Variants in GALNT17 observed in about 807,000 individuals in gnomAD.
The protein encoded by GALNT17 is polypeptide N-acetylgalactosaminyltransferase 17, also known as UDP-GalNAc:polypeptide N-acetylgalactosaminyltransferase-like 3.
In GALNT17, 29 loss-of-function variants were observed where a neutral mutation model predicts 63.7. The ratio of observed to expected loss-of-function variants is 0.46; its 90% CI spans 0.34 to 0.62. The LOEUF is 0.62. Among genes scored for constraint, GALNT17 ranks in the 20% least tolerant of loss-of-function variants. GALNT17 has a pLI of 0.01. For synonymous variants in GALNT17, 305 were observed against 318.3 expected (o/e 0.96, Z 0.45); for missense variants, 603 against 799.6 (o/e 0.75, Z 2.97).
chr7:71,446,900 C>A (rs1189482776), intron 5 of GALNT17, among the ~76,000 whole-genome samples: 1 of 152,194 alleles, frequency 6.6e-6, no homozygotes, highest in Admixed American at 6.5e-5. Context: ...AAATAGTACA[C>A]TTTAGTCCTA....
At chr7:71,566,443 T>C (rs940895307) in intron 5 of GALNT17, among the ~76,000 whole-genome samples, 6 of 152,102 alleles carry the variant, frequency 3.9e-5, no homozygotes, top group Admixed American at 1.3e-4. Context: ...TTTGGGGAGA[T>C]TTTTTGTAAC....
chr7:71,652,999 T>C lies in GALNT17; in HGVS notation c.1081-12412T>C, dbSNP rs1790775630. 7.3e-5 allele frequency among the ~76,000 whole-genome samples: 3 copies of C among 41,064 alleles called. No individual in the cohort carries two copies. The Admixed American group carries it at 1.3e-3, about 18-fold the overall frequency. The allele number at this position is 41,064 out of a possible 152,430, so 26.9% of individuals were successfully genotyped here. A position where few individuals can be genotyped will look rare whatever the true frequency, so the allele number is the denominator to read the frequency against. On this transcript the variant is annotated intron_variant, in intron 6 of 10. Coordinates refer to ENST00000333538, the MANE Select transcript of GALNT17 (RefSeq NM_022479.3). Reference sequence around the variant, plus strand: ...GATGGCTGGTAGGGAAGGGTTTTTGTTTGTTTGTTTGTGTTTGTTTTTGTT... The same window carrying C: ...GATGGCTGGTAGGGAAGGGTTTTTGCTTGTTTGTTTGTGTTTGTTTTTGTT...
At chr7:71,176,952 C>T (rs1302402474) in intron 1 of GALNT17, among the ~76,000 whole-genome samples, 1 of 152,118 alleles carries the variant, frequency 6.6e-6, no homozygotes, top group Admixed American at 6.6e-5. Context: ...TCTCTAGAAG[C>T]GGAGAGGATG....
intron 4 of GALNT17, among the ~76,000 whole-genome samples, chr7:71,417,935 C>G (rs745851881): frequency 1.3e-5 from 2 of 152,190 alleles, no homozygotes; most frequent in Non-Finnish European, 2.9e-5. Context: ...TTGACCACCA[C>G]TCTCCTAGCT....
chr7:71,640,285 G>A (rs1790585650), intron 6 of GALNT17, among the ~76,000 whole-genome samples: 1 of 152,114 alleles, frequency 6.6e-6, no homozygotes, highest in African/African-American at 2.4e-5. Context: ...GTATTTGCAG[G>A]AAGATTTTTT....
intron 5 of GALNT17, among the ~76,000 whole-genome samples, chr7:71,459,393 G>T (rs904559717): frequency 1.3e-5 from 2 of 152,222 alleles, no homozygotes; most frequent in African/African-American, 4.8e-5. Flanking sequence ...ACAAGAGCAG[G>T]TTACAGTCTG....
chr7:71,556,641 C>T (rs1235217492), intron 5 of GALNT17, among the ~76,000 whole-genome samples: 1 of 152,096 alleles, frequency 6.6e-6, no homozygotes, highest in African/African-American at 2.4e-5. Context: ...CTCACTGCAG[C>T]CTCTGCCTCC....
rs559903917 is a variant in GALNT17, at chr7:71,421,322, C to T, written c.962+217C>T. 5.9e-5 allele frequency among the ~76,000 whole-genome samples: 9 copies of T among 152,284 alleles called. No individual in the cohort carries two copies. In the East Asian group the frequency reaches 1.5e-3, roughly 26 times the overall value. On this transcript the variant is annotated intron_variant, in intron 5 of 10. Transcript: ENST00000333538. ...AAAGTTTTCAAGTGCAGCTTTCCAACAGCGATACTGAGAAGTTTCAAACTG... is the reference window on the plus strand; with the variant it reads ...AAAGTTTTCAAGTGCAGCTTTCCAATAGCGATACTGAGAAGTTTCAAACTG...
chr7:71,570,543 AC>A (rs1223453631), intron 5 of GALNT17, among the ~76,000 whole-genome samples: 1 of 151,476 alleles, frequency 6.6e-6, no homozygotes, highest in African/African-American at 2.4e-5. Context: ...CTGCACAAGG[AC>A]CCCCCATCCC....
At chr7:71,158,731 C>T (rs1009288283) in intron 1 of GALNT17, among the ~76,000 whole-genome samples, 4 of 151,770 alleles carry the variant, frequency 2.6e-5, no homozygotes, top group African/African-American at 7.3e-5. Flanking sequence ...CGCCTGCCAC[C>T]ACACCTGGCT....
intron 8 of GALNT17, among the ~76,000 whole-genome samples, chr7:71,673,830 G>A (rs73189088): frequency 6.6e-6 from 1 of 152,254 alleles, no homozygotes; most frequent in Non-Finnish European, 1.5e-5. Context: ...GTTTTGCCAG[G>A]CTGGCCTTGA....
At chr7:71,613,792 AT>A (rs56216543) in intron 6 of GALNT17, among the ~76,000 whole-genome samples, 17,174 of 132,374 alleles carry the variant, frequency 0.13, 1,129 homozygotes, top group Non-Finnish European at 0.17. Context: ...CATCTCTATG[AT>A]TTTTTTTTTT....
At chr7:71,259,527 A>G (rs531004373) in intron 1 of GALNT17, among the ~76,000 whole-genome samples, 57 of 152,262 alleles carry the variant, frequency 3.7e-4, no homozygotes, top group African/African-American at 1.2e-3. Context: ...CAGATCTCAT[A>G]CACAGTTTGT....
chr7:71,153,023 A>T (rs1045960294), intron 1 of GALNT17, among the ~76,000 whole-genome samples: 2 of 152,082 alleles, frequency 1.3e-5, no homozygotes, highest in African/African-American at 4.8e-5. Context: ...GACAGCATTG[A>T]CTTCCAGACG....
intron 1 of GALNT17, chr7:71,300,505 G>T (rs1345244876): frequency 2.3e-6 from 1 of 436,210 alleles, no homozygotes; most frequent in South Asian, 1.7e-5. Flanking sequence ...AAATGGAGGT[G>T]GGTTATTTTC....
At position 71,182,473 on chromosome 7, in the gene GALNT17, G is replaced by A. The variant is rs1409014052; in HGVS notation, c.238+49433G>A. Among the ~76,000 whole-genome samples, 8 of 152,126 alleles carry A rather than the reference G, an allele frequency of 5.3e-5. No individual in the cohort carries two copies. In the East Asian group the frequency reaches 1.4e-3, roughly 26 times the overall value. On this transcript the variant is annotated intron_variant, in intron 1 of 10. Coordinates refer to ENST00000333538, the MANE Select transcript of GALNT17 (RefSeq NM_022479.3). ...CTGCTTCACCTTTATGCTCCAGGCC[G>A]TGTAGGAGTATTTTTCTCCTAGTCT... is the stretch of plus-strand genomic sequence containing the variant.
intron 5 of GALNT17, among the ~76,000 whole-genome samples, chr7:71,550,147 A>G (rs764124275): frequency 1.3e-5 from 2 of 152,066 alleles, no homozygotes; most frequent in Admixed American, 6.6e-5. Flanking sequence ...ATAAAAGTCA[A>G]CAGGTTCATT....
At chr7:71,162,262 G>A (rs1026390149) in intron 1 of GALNT17, among the ~76,000 whole-genome samples, 1 of 151,850 alleles carries the variant, frequency 6.6e-6, no homozygotes, top group Non-Finnish European at 1.5e-5. Context: ...CTAAAGGAAA[G>A]GTAAATAAAT....
intron 1 of GALNT17, among the ~76,000 whole-genome samples, chr7:71,249,117 G>A (rs1790152111): frequency 6.6e-6 from 1 of 152,164 alleles, no homozygotes; most frequent in African/African-American, 2.4e-5. Context: ...TGAAGTTCAT[G>A]TATATGGTGA....
Sources: allele counts gnomAD v4.1 joint callset (sites outside exome capture counted in the v4.1 genomes callset), GRCh38; gene constraint gnomAD v4.1.1; transcripts MANE v1.5; gene names NCBI Gene and HGNC (gene_info 2026-07-23, HGNC 2026-07-21).